The following PLEKHA3 variants were observed in gnomAD, a reference collection of about 807,000 sequenced individuals.
The protein encoded by PLEKHA3 is pleckstrin homology domain-containing family A member 3.
Under a neutral mutation model 39.2 loss-of-function variants are expected in PLEKHA3, and 19 were observed. That is an observed-to-expected ratio of 0.48 (90% CI 0.34 to 0.71). The LOEUF (loss-of-function observed/expected upper bound fraction) is 0.71. Ranked by LOEUF, PLEKHA3 falls within the 30% of genes least tolerant of loss-of-function variation. PLEKHA3 has a pLI of 0.01. For synonymous variants in PLEKHA3, 97 were observed against 118.6 expected, an observed-to-expected ratio of 0.82 and a Z score of 1.18; for missense variants, 253 against 359.5, an observed-to-expected ratio of 0.70 and a Z score of 2.40.
In PLEKHA3 at chr2:178,490,766, G is replaced by C. The variant is rs757749222; in HGVS notation, c.265G>C (p.Gly89Arg). 1 of 1,613,950 alleles carries C rather than the reference G, an allele frequency of 6.2e-7. No individual in the cohort carries two copies. Among genetic ancestry groups the C allele is most frequent in the Non-Finnish European group, 8.5e-7 (1 of 1,179,924 alleles). The change falls in exon 3 of 8, where the codon GGG becomes CGG. Residue 89 changes from glycine to arginine, a missense_variant. By Grantham distance (125) the Gly-to-Arg change is moderately radical. Coordinates refer to ENST00000234453, the MANE Select transcript of PLEKHA3 (RefSeq NM_019091.4). ...AERQRWLVAL[G>R]SSKACLTDTR... ...AAGACAGAGGTGGCTGGTCGCTCTG[G>C]GGAGCTCCAAAGCATGTTTGACTGA...
chr2:178,501,098 C>A lies in PLEKHA3; in HGVS notation c.697C>A (p.His233Asn), dbSNP rs143295460. Residue 233 changes from histidine (H) to asparagine (N), a missense_variant, in exon 7 of 8, where the codon CAC becomes AAC. By Grantham distance (68) the His-to-Asn change is moderately conservative. Transcript: ENST00000234453. ...TATAAAAGAACCAGTATCTACACTT[C>A]ACCGACTCTCCCAGCGACGCCGAAG... ...HSIKEPVSTL[H>N]RLSQRRRRTY... 6.2e-7 allele frequency: 1 copy of A among 1,613,212 alleles called. No homozygotes were observed. The highest frequency in any genetic ancestry group is 1.3e-5 in the African/African-American group (1 of 74,872).
Position 178,512,284 on chromosome 2 carries a change from G to A in PLEKHA3, c.*8397G>A, listed in dbSNP as rs996622119. On this transcript the variant is annotated 3_prime_UTR_variant, in exon 8 of 8. Transcript: ENST00000234453. Reference sequence around the variant, plus strand: ...GTGGATTCAGTTTTGCTTAGTTACTGTAGATAAACCAAATAAATTAATGTA... The same window carrying A: ...GTGGATTCAGTTTTGCTTAGTTACTATAGATAAACCAAATAAATTAATGTA... 3 of 152,072 alleles carry A rather than the reference G, an allele frequency of 2.0e-5. No individual in the cohort carries two copies. The highest frequency in any genetic ancestry group is 7.2e-5 in the African/African-American group (3 of 41,406). The allele number at this position is 152,072 out of a possible 1,614,324, so 9.4% of individuals were successfully genotyped here. A position where few individuals can be genotyped will look rare whatever the true frequency, so the allele number is the denominator to read the frequency against.
intron 7 of PLEKHA3, among the ~76,000 whole-genome samples, chr2:178,502,802 A>G (rs1273066679): frequency 6.8e-6 from 1 of 146,526 alleles, no homozygotes; most frequent in Non-Finnish European, 1.5e-5. Context: ...TCACACACAC[A>G]CACACGCACG....
Position 178,503,990 on chromosome 2 carries a change from T to A in PLEKHA3, c.*103T>A, listed in dbSNP as rs1260836904. On this transcript the variant is annotated 3_prime_UTR_variant, in exon 8 of 8. Transcript: ENST00000234453. ...GTTTTTTCCCTTAGGACTCTGCACT[T>A]TATAGAATGTTGTAAAACAGACAAA... 1 of 1,229,340 alleles carries A rather than the reference T, an allele frequency of 8.1e-7. No homozygotes were observed. Among genetic ancestry groups the A allele is most frequent in the Non-Finnish European group, 1.1e-6 (1 of 877,402 alleles). The allele number at this position is 1,229,340 out of a possible 1,614,324, so 76.2% of individuals were successfully genotyped here. A position where few individuals can be genotyped will look rare whatever the true frequency, so the allele number is the denominator to read the frequency against.
chr2:178,493,717 A>G, intron 3 of PLEKHA3, 136 bp from the exon 4 acceptor site: 1 of 740,026 alleles, frequency 1.4e-6, no homozygotes, highest in Non-Finnish European at 2.2e-6. Context: ...GGGCTCTTGT[A>G]TCCTGTTTCC....
At position 178,512,433 on chromosome 2, in the gene PLEKHA3, T is replaced by G. The variant is rs1290282830; in HGVS notation, c.*8546T>G. ...ACTATAATGAATTCCTTCTTCACTT[T>G]TACTCTGGCAAGGTGGGAGGAGGGT... On this transcript the variant is annotated 3_prime_UTR_variant, in exon 8 of 8. Transcript: ENST00000234453. 6.6e-6 allele frequency: 1 copy of G among 152,236 alleles called. No homozygotes were observed. The highest frequency in any genetic ancestry group is 1.5e-5 in the Non-Finnish European group (1 of 68,042). The allele number at this position is 152,236 out of a possible 1,614,324, so 9.4% of individuals were successfully genotyped here.
In PLEKHA3 at chr2:178,514,601, C is replaced by T. The variant is rs2154128387; in HGVS notation, c.*10714C>T. 6.6e-6 allele frequency: 1 copy of T among 151,652 alleles called. No homozygotes were observed. Among genetic ancestry groups the T allele is most frequent in the East Asian group, 1.9e-4 (1 of 5,164 alleles). 9.4% of individuals were successfully genotyped at this position (151,652 alleles called of 1,614,324 possible). ...ATGTATAAGTAATGTGTATATCCTT[C>T]ACTTATTAATAGTGCCTTCATGAAT... On this transcript the variant is annotated 3_prime_UTR_variant, in exon 8 of 8. Coordinates refer to ENST00000234453, the MANE Select transcript of PLEKHA3 (RefSeq NM_019091.4).
chr2:178,481,043 G>T, intron 1 of PLEKHA3, 134 bp downstream of exon 1: 1 of 805,574 alleles, frequency 1.2e-6, no homozygotes, highest in Non-Finnish European at 1.7e-6. Flanking sequence ...TCCAGGGCTT[G>T]TTGAGTCCTT....
In PLEKHA3 at chr2:178,493,875, G is replaced by A. The variant is rs758537891; in HGVS notation, c.336G>A (p.Ser112=). 12 of 1,613,068 alleles carry A rather than the reference G, an allele frequency of 7.4e-6. No homozygotes were observed. The highest frequency in any genetic ancestry group is 9.3e-6 in the Non-Finnish European group (11 of 1,179,408). Residue 112 remains serine, a synonymous_variant, in exon 4 of 8, where the codon TCG becomes TCA. Transcript: ENST00000234453. ...KEKEISETSE[S]LKTKMSELRL... The stretch of plus-strand genomic sequence containing the variant: ...CAGAAATAAGTGAAACCAGTGAATC[G>A]CTGAAAACCAAAATGTCTGAACTTC...
chr2:178,480,978 C>T (rs1685152499), intron 1 of PLEKHA3, 69 bp downstream of exon 1: 4 of 1,269,748 alleles, frequency 3.2e-6, no homozygotes, highest in Non-Finnish European at 4.1e-6. Flanking sequence ...GGTCGGGGCT[C>T]CTCTTCCTCC....
At chr2:178,484,860 G>A (rs1264476738) in intron 1 of PLEKHA3, among the ~76,000 whole-genome samples, 1 of 152,194 alleles carries the variant, frequency 6.6e-6, no homozygotes, top group Non-Finnish European at 1.5e-5. Flanking sequence ...GCTTTGGCAT[G>A]GAGCCAAGTC....
intron 7 of PLEKHA3, chr2:178,502,230 C>CT (rs146472277): frequency 8.6e-3 from 1,331 of 154,206 alleles, no homozygotes; most frequent in South Asian, 0.024. Flanking sequence ...TTGATAGAAT[C>CT]TTTTTTTTTT....
intron 1 of PLEKHA3, chr2:178,482,092 A>T (rs750943494): frequency 6.5e-6 from 1 of 153,800 alleles, no homozygotes; most frequent in African/African-American, 2.4e-5. Context: ...TGATACACAG[A>T]TGTTTTATTT....
intron 4 of PLEKHA3, among the ~76,000 whole-genome samples, chr2:178,494,272 T>C (rs1685404544): frequency 6.6e-6 from 1 of 152,220 alleles, no homozygotes; most frequent in African/African-American, 2.4e-5. Context: ...TTCCAGGCTT[T>C]GTTCTCCAGG....
chr2:178,503,923 T>G lies in PLEKHA3; in HGVS notation c.*36T>G, dbSNP rs1376838091. On this transcript the variant is annotated 3_prime_UTR_variant, in exon 8 of 8. Transcript: ENST00000234453. ...GTGTCCAACTTCCTCTAAGTATTGC[T>G]ATGCAAAAGCTGCTGTAATTAAACT... The G allele has an allele frequency of 6.2e-7, 1 of 1,606,796 alleles. No individual in the cohort carries two copies. Among genetic ancestry groups the G allele is most frequent in the Non-Finnish European group, 8.5e-7 (1 of 1,174,970 alleles).
intron 7 of PLEKHA3, among the ~76,000 whole-genome samples, chr2:178,501,967 T>C (rs1685534932): frequency 6.6e-6 from 1 of 151,996 alleles, no homozygotes; most frequent in African/African-American, 2.4e-5. Flanking sequence ...AAAACAGATT[T>C]TATTTTTCTT....
intron 1 of PLEKHA3, among the ~76,000 whole-genome samples, chr2:178,483,355 AT>A (rs1685202981): frequency 6.6e-6 from 1 of 152,092 alleles, no homozygotes; most frequent in Non-Finnish European, 1.5e-5. Flanking sequence ...AAAAAAAAGA[AT>A]TTTAAAAAGG....
chr2:178,501,628 C>G (rs1262583663), intron 7 of PLEKHA3, among the ~76,000 whole-genome samples: 2 of 152,042 alleles, frequency 1.3e-5, no homozygotes, highest in African/African-American at 2.4e-5. Context: ...AGCATTCATT[C>G]CTCTACCTTT....
chr2:178,501,065 A>G lies in PLEKHA3; in HGVS notation c.664A>G (p.Ser222Gly). 1 of 1,608,946 alleles carries G rather than the reference A, an allele frequency of 6.2e-7. No homozygotes were observed. Among genetic ancestry groups the G allele is most frequent in the Non-Finnish European group, 8.5e-7 (1 of 1,176,520 alleles). Residue 222 changes from serine to glycine, a missense_variant, in exon 7 of 8, where the codon AGC becomes GGC. Ser to Gly is a moderately conservative substitution (Grantham distance 56, BLOSUM62 0). This residue lies in a region of PLEKHA3 where 127 missense variants were observed against 136.8 expected (regional missense o/e 0.93). Coordinates refer to ENST00000234453, the MANE Select transcript of PLEKHA3 (RefSeq NM_019091.4). Reference protein sequence around the residue: ...HPGSCSSERSSHSIKEPVSTL... With the variant: ...HPGSCSSERSGHSIKEPVSTL... ...TGCTTTTTACTTAATTTGCAGGAGTAGCCACTCTATAAAAGAACCAGTATC... is the reference window on the plus strand; with the variant it reads ...TGCTTTTTACTTAATTTGCAGGAGTGGCCACTCTATAAAAGAACCAGTATC...
Sources: allele counts gnomAD v4.1 joint callset (sites outside exome capture counted in the v4.1 genomes callset), GRCh38; gene constraint gnomAD v4.1.1; regional missense constraint gnomAD v4.1.1; transcripts MANE v1.5; gene names NCBI Gene and HGNC (gene_info 2026-07-23, HGNC 2026-07-21).